Variants in PDLIM1 observed in about 807,000 individuals in gnomAD.
The protein encoded by PDLIM1 is PDZ and LIM domain 1, also known as PDZ and LIM domain protein 1.
PDLIM1 carries 25 observed loss-of-function variants against 35.2 expected under a neutral mutation model. That is an observed-to-expected ratio of 0.71 (90% confidence interval 0.52 to 0.99). PDLIM1 has a LOEUF of 0.99. PDLIM1 is among the 50% of genes least tolerant of loss of function. PDLIM1 has a pLI of 0.00. For missense variants in PDLIM1, 363 were observed against 415.3 expected (o/e 0.87, Z 1.09); for synonymous variants, 152 against 154.0 (o/e 0.99, Z 0.10).
intron 1 of PDLIM1, among the ~76,000 whole-genome samples, chr10:95,287,900 G>C (rs10882577): frequency 0.18 from 25,664 of 146,420 alleles, 2,363 homozygotes; most frequent in East Asian, 0.39. Flanking sequence ...ACATTAAGGA[G>C]CTAAAGAAGC....
chr10:95,256,218 C>T (rs1285063745), intron 4 of PDLIM1, among the ~76,000 whole-genome samples: 2 of 151,998 alleles, frequency 1.3e-5, no homozygotes, highest in Non-Finnish European at 2.9e-5. Flanking sequence ...AACAAAAAGA[C>T]ATCTCATGTT....
chr10:95,254,714 C>T (rs1024852788), intron 4 of PDLIM1, among the ~76,000 whole-genome samples: 2 of 152,070 alleles, frequency 1.3e-5, no homozygotes, highest in Non-Finnish European at 2.9e-5. Flanking sequence ...CTCAGAAGTT[C>T]GAGACCAGCC....
intron 4 of PDLIM1, among the ~76,000 whole-genome samples, chr10:95,262,858 A>C (rs572594964): frequency 6.2e-4 from 95 of 152,034 alleles, no homozygotes; most frequent in African/African-American, 2.3e-3. Context: ...TCCAATAAAG[A>C]CTCAAAGGGC....
intron 4 of PDLIM1, among the ~76,000 whole-genome samples, chr10:95,249,105 C>T (rs913967750): frequency 6.6e-6 from 1 of 152,206 alleles, no homozygotes; most frequent in Admixed American, 6.5e-5. Context: ...TTCCCAGGCC[C>T]GGCTCAGTGC....
chr10:95,258,086 C>G (rs1251216410), intron 4 of PDLIM1, among the ~76,000 whole-genome samples: 2 of 152,048 alleles, frequency 1.3e-5, no homozygotes, highest in Non-Finnish European at 2.9e-5. Flanking sequence ...AGAGAGAGAG[C>G]TGGTGAAGGG....
At chr10:95,278,190 A>G (rs946767808) in intron 1 of PDLIM1, among the ~76,000 whole-genome samples, 1 of 152,248 alleles carries the variant, frequency 6.6e-6, no homozygotes. Context: ...CCAGGGTTCA[A>G]GTCCTGCCTG....
chr10:95,288,486 A>G (rs959622884), intron 1 of PDLIM1, among the ~76,000 whole-genome samples: 6 of 151,966 alleles, frequency 3.9e-5, no homozygotes, highest in Admixed American at 2.0e-4. Context: ...CCTCACTATC[A>G]CTATTTACGG....
chr10:95,238,157 T>TGCAGGTGGCACCTGA (rs759668682), intron 6 of PDLIM1, 46 bp from the exon 7 acceptor site: 3 of 1,564,416 alleles, frequency 1.9e-6, no homozygotes, highest in Non-Finnish European at 2.6e-6. Context: ...GACAAGCACC[T>TGCAGGTGGCACCTGA]GCAGGTGGCA....
chr10:95,263,973 T>C lies in PDLIM1; in HGVS notation c.424A>G (p.Asn142Asp), dbSNP rs750700761. 79 of 1,613,686 alleles carry C rather than the reference T, an allele frequency of 4.9e-5. No individual in the cohort carries two copies. The highest frequency in any genetic ancestry group is 6.6e-5 in the Non-Finnish European group (78 of 1,179,890). The change falls in exon 4 of 7, where the codon AAC (asparagine) becomes GAC (aspartate). Residue 142 changes from asparagine to aspartate, a missense_variant. Coordinates refer to ENST00000329399, the MANE Select transcript of PDLIM1 (RefSeq NM_020992.4). Reference protein sequence around the residue: ...ASSTTARVITNQYNNPAGLYS... With the variant: ...ASSTTARVITDQYNNPAGLYS... The stretch of plus-strand genomic sequence containing the variant: ...AGGCCAGCTGGGTTGTTGTACTGGT[T>C]TGTGATGACCCTGGCAGTAGTGCTG...
chr10:95,246,720 G>A (rs1044639585), intron 5 of PDLIM1, among the ~76,000 whole-genome samples: 2 of 152,132 alleles, frequency 1.3e-5, no homozygotes, highest in Non-Finnish European at 2.9e-5. Context: ...GAGCTCTTGG[G>A]CCCTCAAGAG....
intron 2 of PDLIM1, among the ~76,000 whole-genome samples, chr10:95,271,153 G>C (rs973853828): frequency 1.3e-5 from 2 of 151,714 alleles, no homozygotes; most frequent in Admixed American, 6.6e-5. Flanking sequence ...AAATCAGAGG[G>C]GGGCTGGGCA....
intron 4 of PDLIM1, among the ~76,000 whole-genome samples, chr10:95,258,028 G>A (rs1305235652): frequency 6.6e-6 from 1 of 152,202 alleles, no homozygotes; most frequent in Admixed American, 6.5e-5. Context: ...TCACAATCAT[G>A]GTGGAAGGAG....
intron 4 of PDLIM1, among the ~76,000 whole-genome samples, chr10:95,259,079 C>T (rs887093654): frequency 2.6e-4 from 39 of 151,940 alleles, no homozygotes; most frequent in African/African-American, 9.4e-4. Flanking sequence ...TATAAAAGAG[C>T]GACATGAGAA....
chr10:95,284,729 T>C (rs1289798641), intron 1 of PDLIM1, among the ~76,000 whole-genome samples: 1 of 152,208 alleles, frequency 6.6e-6, no homozygotes, highest in Non-Finnish European at 1.5e-5. Context: ...ATACGAATGG[T>C]CGTGTCTATA....
intron 5 of PDLIM1, 87 bp from the exon 6 acceptor site, chr10:95,238,772 T>A (rs2035149241): frequency 2.4e-6 from 2 of 826,714 alleles, no homozygotes; most frequent in Middle Eastern, 4.4e-4. Flanking sequence ...TATAAATATA[T>A]GTTCAAGCAA....
intron 3 of PDLIM1, among the ~76,000 whole-genome samples, chr10:95,264,690 T>C (rs867453717): frequency 2.6e-5 from 4 of 152,190 alleles, no homozygotes; most frequent in Non-Finnish European, 5.9e-5. Flanking sequence ...GGATACCTGT[T>C]ACAGGGGCGG....
At chr10:95,286,577 A>G (rs2035603842) in intron 1 of PDLIM1, among the ~76,000 whole-genome samples, 1 of 152,132 alleles carries the variant, frequency 6.6e-6, no homozygotes, top group Non-Finnish European at 1.5e-5. Context: ...CAGGCCCTCA[A>G]TTAAAGTCCT....
intron 1 of PDLIM1, among the ~76,000 whole-genome samples, chr10:95,289,058 C>T (rs888086196): frequency 3.3e-5 from 5 of 152,208 alleles, no homozygotes; most frequent in African/African-American, 1.2e-4. Flanking sequence ...TGCATTAAGA[C>T]TTTTAAAAGC....
chr10:95,265,184 T>C (rs1428148478), intron 3 of PDLIM1, among the ~76,000 whole-genome samples: 1 of 151,582 alleles, frequency 6.6e-6, no homozygotes, highest in Non-Finnish European at 1.5e-5. Context: ...CCTTTTTTGT[T>C]AAATATTCAA....
Sources: allele counts gnomAD v4.1 joint callset (sites outside exome capture counted in the v4.1 genomes callset), GRCh38; gene constraint gnomAD v4.1.1; transcripts MANE v1.5; gene names NCBI Gene and HGNC (gene_info 2026-07-23, HGNC 2026-07-21).